TRPS1: variants seen among roughly 807,000 people sequenced by gnomAD.
TRPS1 encodes the protein transcriptional repressor GATA binding 1.
Under a neutral mutation model 101.2 loss-of-function variants are expected in TRPS1, and 6 were observed. The ratio of observed to expected loss-of-function variants is 0.06; its 90% confidence interval spans 0.03 to 0.12. TRPS1 has a LOEUF of 0.12. Among genes scored for constraint, TRPS1 ranks in the 10% least tolerant of loss-of-function variants. The probability of loss-of-function intolerance (pLI) is 1.00; values close to 1 mark genes in which losing one functional copy is unlikely to be tolerated. For synonymous variants in TRPS1, 578 were observed against 589.8 expected, an observed-to-expected ratio of 0.98 and a Z score of 0.29; for missense variants, 1,363 against 1,567.0, an observed-to-expected ratio of 0.87 and a Z score of 2.20.
At chr8:115,437,590 A>C (rs1416558473) in intron 5 of TRPS1, among the ~76,000 whole-genome samples, 1 of 152,236 alleles carries the variant, frequency 6.6e-6, no homozygotes, top group Non-Finnish European at 1.5e-5. Flanking sequence ...CATACGTCAA[A>C]AAATAAATAA....
chr8:115,624,879 A>C (rs532519080), intron 1 of TRPS1, among the ~76,000 whole-genome samples: 5 of 151,858 alleles, frequency 3.3e-5, no homozygotes, highest in South Asian at 2.1e-4. Context: ...TTCACAGCAA[A>C]AGGGATTTGA....
chr8:115,605,037 G>A (rs1563638737), intron 3 of TRPS1, 35 bp from the exon 4 acceptor site: 1 of 1,605,302 alleles, frequency 6.2e-7, no homozygotes, highest in East Asian at 2.2e-5. Context: ...TACTTCCAAG[G>A]TGTCATTAAT....
At chr8:115,499,676 G>C (rs902084148) in intron 5 of TRPS1, among the ~76,000 whole-genome samples, 4 of 152,120 alleles carry the variant, frequency 2.6e-5, no homozygotes, top group Non-Finnish European at 4.4e-5. Flanking sequence ...TAATGGAATT[G>C]GTCTGTCTAA....
At chr8:115,623,830 A>C (rs1442064409) in intron 1 of TRPS1, 72 bp from the exon 2 acceptor site, 1 of 1,323,660 alleles carries the variant, frequency 7.6e-7, no homozygotes, top group African/African-American at 1.5e-5. Flanking sequence ...TCACACCTAA[A>C]ATATATTAAT....
At chr8:115,467,922 C>T (rs1049453368) in intron 5 of TRPS1, among the ~76,000 whole-genome samples, 3 of 152,120 alleles carry the variant, frequency 2.0e-5, no homozygotes, top group African/African-American at 7.2e-5. Context: ...AGATGTTACC[C>T]AAGAGTAGTC....
intron 5 of TRPS1, among the ~76,000 whole-genome samples, chr8:115,460,324 A>C (rs113555787): frequency 0.023 from 3,488 of 151,866 alleles, 120 homozygotes; most frequent in African/African-American, 0.079. Flanking sequence ...ACACACACAC[A>C]CCCCACATTA....
intron 5 of TRPS1, among the ~76,000 whole-genome samples, chr8:115,548,167 G>T (rs1018646788): frequency 2.0e-5 from 3 of 152,052 alleles, no homozygotes; most frequent in Admixed American, 2.0e-4. Flanking sequence ...TCAGGAGGTT[G>T]AGGCTGCAGT....
At chr8:115,584,802 T>C (rs780535163) in intron 5 of TRPS1, among the ~76,000 whole-genome samples, 17 of 152,072 alleles carry the variant, frequency 1.1e-4, no homozygotes, top group Non-Finnish European at 2.2e-4. Flanking sequence ...ATCTAAGATA[T>C]GTACACATTG....
chr8:115,453,026 A>AT lies in TRPS1; in HGVS notation c.2701-34575dup, dbSNP rs1315243679. 7.5e-3 allele frequency among the ~76,000 whole-genome samples: 1,088 copies of AT among 145,916 alleles called. 11 individuals are homozygous for AT. The highest frequency in any genetic ancestry group is 0.023 in the African/African-American group (908 of 40,034). ...TAATTTTGCTTGTCCTCCACTTTCA[A>AT]TTTTTTTTTTTTTGAGATGGGTTCT... On this transcript the variant is annotated intron_variant, in intron 5 of 6. Coordinates refer to ENST00000395715, the MANE Select transcript of TRPS1 (RefSeq NM_014112.5).
intron 5 of TRPS1, among the ~76,000 whole-genome samples, chr8:115,537,426 A>G (rs1307140298): frequency 6.6e-6 from 1 of 152,192 alleles, no homozygotes; most frequent in Non-Finnish European, 1.5e-5. Context: ...CTATAAAGAA[A>G]TCTCATTAAC....
At chr8:115,471,393 A>C (rs1814465611) in intron 5 of TRPS1, among the ~76,000 whole-genome samples, 1 of 152,192 alleles carries the variant, frequency 6.6e-6, no homozygotes, top group South Asian at 2.1e-4. Flanking sequence ...GAACTCACTT[A>C]CTATCATGAG....
intron 5 of TRPS1, among the ~76,000 whole-genome samples, chr8:115,581,536 TA>T (rs879512557): frequency 2.1e-4 from 32 of 150,738 alleles, no homozygotes; most frequent in East Asian, 7.8e-4. Context: ...GTGTGTGCAT[TA>T]AAAAAAAAGT....
chr8:115,573,974 G>C (rs1214831894), intron 5 of TRPS1, among the ~76,000 whole-genome samples: 1 of 152,118 alleles, frequency 6.6e-6, no homozygotes, highest in Non-Finnish European at 1.5e-5. Flanking sequence ...AATGTGATCT[G>C]TTCCTCTTTA....
At chr8:115,645,814 T>C (rs2130597486) in intron 1 of TRPS1, among the ~76,000 whole-genome samples, 1 of 152,262 alleles carries the variant, frequency 6.6e-6, no homozygotes, top group African/African-American at 2.4e-5. Context: ...GTTTTTCCAA[T>C]TTAGACCTTG....
chr8:115,543,407 A>G (rs781031905), intron 5 of TRPS1, among the ~76,000 whole-genome samples: 1 of 152,228 alleles, frequency 6.6e-6, no homozygotes, highest in African/African-American at 2.4e-5. Flanking sequence ...ATTGCCAATT[A>G]GCTTTCAAAA....
At chr8:115,547,570 C>A (rs777376222) in intron 5 of TRPS1, among the ~76,000 whole-genome samples, 1 of 152,078 alleles carries the variant, frequency 6.6e-6, no homozygotes, top group Non-Finnish European at 1.5e-5. Flanking sequence ...AGGCAGTCAC[C>A]GTAATTAGCT....
intron 5 of TRPS1, among the ~76,000 whole-genome samples, chr8:115,446,246 A>G (rs1007789710): frequency 2.6e-5 from 4 of 152,082 alleles, no homozygotes; most frequent in Admixed American, 1.3e-4. Context: ...CATCATCTAC[A>G]TAAAAAGGAA....
chr8:115,454,925 C>T lies in TRPS1; in HGVS notation c.2701-36473G>A, dbSNP rs568068428. ...GAGATATATGTGAGGTCTCTGTAAGCCTTAGGCTTCCAGATACCATGTGGA... is the reference window on the plus strand; with the variant it reads ...GAGATATATGTGAGGTCTCTGTAAGTCTTAGGCTTCCAGATACCATGTGGA... On this transcript the variant is annotated intron_variant, in intron 5 of 6. Transcript: ENST00000395715. Among the ~76,000 whole-genome samples, 15 of 152,158 alleles carry T rather than the reference C, an allele frequency of 9.9e-5. No individual in the cohort carries two copies. The South Asian group carries it at 2.3e-3, about 23-fold the overall frequency.
chr8:115,523,026 T>C, intron 5 of TRPS1, among the ~76,000 whole-genome samples: 1 of 152,150 alleles, frequency 6.6e-6, no homozygotes, highest in East Asian at 1.9e-4. Flanking sequence ...TAGGCACTTT[T>C]ATCCTATTTG....
Sources: gnomAD v4.1 joint callset for allele counts (sites outside exome capture counted in the v4.1 genomes callset) on GRCh38, gnomAD v4.1.1 for gene constraint, MANE v1.5 for transcripts, NCBI Gene and HGNC (gene_info 2026-07-23, HGNC 2026-07-21) for gene names.